FSIP1: variants seen among roughly 807,000 people sequenced by gnomAD.
The protein encoded by FSIP1 is fibrous sheath-interacting protein 1.
In FSIP1, 65 loss-of-function variants were observed where a neutral mutation model predicts 60.9. That is an observed-to-expected ratio of 1.07 (90% confidence interval 0.87 to 1.31). The LOEUF is 1.31. Ranked by LOEUF, FSIP1 falls within the 40% of genes most tolerant of loss-of-function variation. The pLI is 0.00. For synonymous variants in FSIP1, 209 were observed against 221.2 expected, an observed-to-expected ratio of 0.94 and a Z score of 0.49; for missense variants, 675 against 665.5, an observed-to-expected ratio of 1.01 and a Z score of -0.16.
intron 11 of FSIP1, among the ~76,000 whole-genome samples, chr15:39,607,554 A>G (rs1030350535): frequency 1.3e-5 from 2 of 152,226 alleles, no homozygotes; most frequent in African/African-American, 4.8e-5. Context: ...ACTGGTTACC[A>G]TGAAGCTTAA....
chr15:39,672,875 G>A (rs556721986), intron 10 of FSIP1, among the ~76,000 whole-genome samples: 1 of 152,204 alleles, frequency 6.6e-6, no homozygotes, highest in Non-Finnish European at 1.5e-5. Context: ...GAATCAGATG[G>A]ATGAGATGGG....
intron 10 of FSIP1, among the ~76,000 whole-genome samples, chr15:39,623,586 T>C (rs1891526209): frequency 1.3e-5 from 2 of 152,210 alleles, no homozygotes; most frequent in African/African-American, 2.4e-5. Context: ...TAGCTCTCTA[T>C]TGCAACCACT....
At chr15:39,680,633 T>A (rs1032363744) in intron 10 of FSIP1, among the ~76,000 whole-genome samples, 18 of 152,216 alleles carry the variant, frequency 1.2e-4, no homozygotes, top group African/African-American at 4.3e-4. Flanking sequence ...GGAGCCTGGG[T>A]CCTTGGTAAC....
intron 10 of FSIP1, among the ~76,000 whole-genome samples, chr15:39,694,359 A>G (rs1894726745): frequency 6.6e-6 from 1 of 152,350 alleles, no homozygotes; most frequent in South Asian, 2.1e-4. Context: ...TAAAGGGAAC[A>G]TATGGTTTAA....
chr15:39,671,577 A>C lies in FSIP1; in HGVS notation c.1188+41867T>G, dbSNP rs142134344. Among the ~76,000 whole-genome samples, 785 of 152,280 alleles carry C rather than the reference A, an allele frequency of 5.2e-3. 8 individuals are homozygous for C. The highest frequency in any genetic ancestry group is 0.018 in the African/African-American group (737 of 41,550). On this transcript the variant is annotated intron_variant, in intron 10 of 11. Transcript: ENST00000350221. ...ACCAAATTTTAGTGCCACCCTCATA[A>C]ATGCCAAGGGAGTAAGTTTATTTTT...
At chr15:39,605,301 C>A (rs1566847905) in intron 11 of FSIP1, among the ~76,000 whole-genome samples, 1 of 152,156 alleles carries the variant, frequency 6.6e-6, no homozygotes, top group Non-Finnish European at 1.5e-5. Context: ...TTCAGCAAGT[C>A]TGGATAGGTC....
chr15:39,752,054 GAGA>G (rs1897179490), intron 5 of FSIP1, among the ~76,000 whole-genome samples: 1 of 151,862 alleles, frequency 6.6e-6, no homozygotes, highest in African/African-American at 2.4e-5. Flanking sequence ...CAAAATTCTG[GAGA>G]AGAAAAGAAA....
intron 10 of FSIP1, among the ~76,000 whole-genome samples, chr15:39,691,072 C>T (rs992529670): frequency 6.6e-6 from 1 of 152,174 alleles, no homozygotes; most frequent in South Asian, 2.1e-4. Context: ...CCTATACAGG[C>T]AATCAGCACT....
intron 10 of FSIP1, among the ~76,000 whole-genome samples, chr15:39,646,172 G>A (rs947070803): frequency 2.0e-5 from 3 of 152,264 alleles, no homozygotes; most frequent in South Asian, 2.1e-4. Context: ...GAGACGATGG[G>A]AAGACCAGCT....
intron 10 of FSIP1, among the ~76,000 whole-genome samples, chr15:39,652,438 A>G (rs1892908354): frequency 1.3e-5 from 2 of 152,238 alleles, no homozygotes; most frequent in African/African-American, 4.8e-5. Context: ...TATTTATAGA[A>G]GCAAGTTCAA....
chr15:39,766,557 A>C (rs1248131349), intron 3 of FSIP1, among the ~76,000 whole-genome samples: 1 of 152,234 alleles, frequency 6.6e-6, no homozygotes, highest in African/African-American at 2.4e-5. Flanking sequence ...CGTATGTCCA[A>C]GGTCATATAA....
At chr15:39,748,565 C>T (rs1167118824) in intron 5 of FSIP1, among the ~76,000 whole-genome samples, 3 of 152,104 alleles carry the variant, frequency 2.0e-5, no homozygotes, top group African/African-American at 7.2e-5. Flanking sequence ...TGCAGCACAT[C>T]CTTATGACAA....
intron 11 of FSIP1, among the ~76,000 whole-genome samples, chr15:39,608,553 A>G (rs1890909147): frequency 6.6e-6 from 1 of 152,226 alleles, no homozygotes; most frequent in Admixed American, 6.5e-5. Flanking sequence ...CACTTTATCC[A>G]AAAAGAAGGA....
At chr15:39,731,781 C>A (rs976680494) in intron 8 of FSIP1, among the ~76,000 whole-genome samples, 8 of 152,124 alleles carry the variant, frequency 5.3e-5, no homozygotes, top group African/African-American at 1.7e-4. Context: ...GGGTCCACCA[C>A]CAGACTCCCC....
chr15:39,642,972 C>A lies in FSIP1; in HGVS notation c.1189-24727G>T, dbSNP rs1240808781. ...CTCTAATGGAGACAGTTTCTTGACACAATTGTTCAGTCCTCGAAGCACTTC... is the reference window on the plus strand; with the variant it reads ...CTCTAATGGAGACAGTTTCTTGACAAAATTGTTCAGTCCTCGAAGCACTTC... On this transcript the variant is annotated intron_variant, in intron 10 of 11. Coordinates refer to ENST00000350221, the MANE Select transcript of FSIP1 (RefSeq NM_152597.5). 2.6e-5 allele frequency among the ~76,000 whole-genome samples: 4 copies of A among 152,156 alleles called. No individual in the cohort carries two copies. In the East Asian group the frequency reaches 7.7e-4, roughly 29 times the overall value.
chr15:39,603,563 T>C (rs559158280), intron 11 of FSIP1, among the ~76,000 whole-genome samples: 1 of 152,320 alleles, frequency 6.6e-6, no homozygotes, highest in African/African-American at 2.4e-5. Context: ...ACTGGTTATA[T>C]GTGTCTCCAA....
intron 10 of FSIP1, among the ~76,000 whole-genome samples, chr15:39,681,323 G>C (rs1015322602): frequency 5.3e-5 from 8 of 151,920 alleles, no homozygotes; most frequent in Admixed American, 2.6e-4. Context: ...AGCAGGAGGA[G>C]ATTATAGAGG....
chr15:39,692,105 T>C (rs1894626919), intron 10 of FSIP1, among the ~76,000 whole-genome samples: 1 of 152,026 alleles, frequency 6.6e-6, no homozygotes, highest in Non-Finnish European at 1.5e-5. Flanking sequence ...TCTTATTAGG[T>C]GCTTTGTAAT....
chr15:39,677,827 C>T (rs938709300), intron 10 of FSIP1, among the ~76,000 whole-genome samples: 3 of 151,970 alleles, frequency 2.0e-5, no homozygotes, highest in Admixed American at 6.6e-5. Flanking sequence ...GAAACCCCGT[C>T]GCTACTAAAA....
Sources: gnomAD v4.1 joint callset for allele counts (sites outside exome capture counted in the v4.1 genomes callset) on GRCh38, gnomAD v4.1.1 for gene constraint, MANE v1.5 for transcripts, NCBI Gene and HGNC (gene_info 2026-07-23, HGNC 2026-07-21) for gene names.